The following FAM241A variants were observed in gnomAD, a reference collection of about 807,000 sequenced individuals.
FAM241A encodes family with sequence similarity 241 member A.
A neutral mutation model predicts 12.2 loss-of-function variants in FAM241A; 7 were observed. The ratio of observed to expected loss-of-function variants is 0.58; its 90% CI spans 0.33 to 1.08. The LOEUF is 1.08. FAM241A is among the 50% of genes least tolerant of loss of function. FAM241A has a pLI of 0.04. For missense variants in FAM241A, 161 were observed against 169.7 expected, an observed-to-expected ratio of 0.95 and a Z score of 0.29; for synonymous variants, 74 against 68.2, an observed-to-expected ratio of 1.08 and a Z score of -0.42.
intron 1 of FAM241A, among the ~76,000 whole-genome samples, chr4:112,159,055 T>TGAGAAC (rs1414291647): frequency 1.3e-5 from 2 of 152,204 alleles, no homozygotes; most frequent in Admixed American, 1.3e-4. Flanking sequence ...CACATATGAA[T>TGAGAAC]GAGAACTTGC....
At chr4:112,156,397 C>G (rs980722157) in intron 1 of FAM241A, among the ~76,000 whole-genome samples, 1 of 152,156 alleles carries the variant, frequency 6.6e-6, no homozygotes, top group Non-Finnish European at 1.5e-5. Context: ...TTCTTTTCCT[C>G]ATAGCTCTTC....
At chr4:112,178,257 G>C (rs1324299105) in intron 1 of FAM241A, among the ~76,000 whole-genome samples, 1 of 152,156 alleles carries the variant, frequency 6.6e-6, no homozygotes, top group Non-Finnish European at 1.5e-5. Flanking sequence ...TTGCAGATGT[G>C]ATTAAATTTA....
rs528879198 is a variant in FAM241A at position 112,177,491 on chromosome 4, T to A, written c.154-9202T>A. Among the ~76,000 whole-genome samples the A allele has an allele frequency of 2.2e-4, 34 of 152,226 alleles. 2 individuals carry two copies. The highest frequency in any genetic ancestry group is 8.2e-4 in the African/African-American group (34 of 41,546). ...AGATCTTTCAATTACTAAGTATAGG[T>A]CAGTGTCCAGACATTTAATTCCTCT... On this transcript the variant is annotated intron_variant, in intron 1 of 1. Transcript: ENST00000309733.
At chr4:112,183,133 T>A (rs1723974379) in intron 1 of FAM241A, among the ~76,000 whole-genome samples, 1 of 152,180 alleles carries the variant, frequency 6.6e-6, no homozygotes, top group African/African-American at 2.4e-5. Context: ...TAGTGATTTT[T>A]TTTTAAACTT....
chr4:112,149,439 C>T (rs1371745387), intron 1 of FAM241A, among the ~76,000 whole-genome samples: 1 of 152,196 alleles, frequency 6.6e-6, no homozygotes, highest in African/African-American at 2.4e-5. Context: ...ATTCATTCCC[C>T]TAACACCGCA....
chr4:112,171,739 G>C (rs905406304), intron 1 of FAM241A, among the ~76,000 whole-genome samples: 5 of 151,998 alleles, frequency 3.3e-5, no homozygotes, highest in African/African-American at 7.2e-5. Context: ...GGCGCCTGTA[G>C]TCCCAGCTAC....
At chr4:112,153,267 G>A (rs182567809) in intron 1 of FAM241A, among the ~76,000 whole-genome samples, 55 of 152,238 alleles carry the variant, frequency 3.6e-4, no homozygotes, top group Non-Finnish European at 6.3e-4. Context: ...CACCTCCTCT[G>A]TACAAACTAT....
At chr4:112,145,830 G>A in intron 1 of FAM241A, 97 bp downstream of exon 1, 2 of 752,712 alleles carry the variant, frequency 2.7e-6, no homozygotes, top group Non-Finnish European at 3.3e-6. Flanking sequence ...GGGCCGCGCC[G>A]CAGCTCTGCC....
Position 112,194,049 on chromosome 4 carries a change from G to A in FAM241A, c.*7111G>A, listed in dbSNP as rs1215761616. Reference sequence around the variant, plus strand: ...TGAGCAGTGGTTTGTAGTTCTCCTTGAAGAGGTCCTTCACGTCCCTTGTAA... The same window carrying A: ...TGAGCAGTGGTTTGTAGTTCTCCTTAAAGAGGTCCTTCACGTCCCTTGTAA... On this transcript the variant is annotated 3_prime_UTR_variant, in exon 2 of 2. Transcript: ENST00000309733. 2.1e-5 allele frequency: 3 copies of A among 144,320 alleles called. No homozygotes were observed. The highest frequency in any genetic ancestry group is 3.0e-5 in the Non-Finnish European group (2 of 66,702). The allele number at this position is 144,320 out of a possible 1,614,324, so 8.9% of individuals were successfully genotyped here. A position where few individuals can be genotyped will look rare whatever the true frequency, so the allele number is the denominator to read the frequency against.
chr4:112,186,031 T>C (rs1724032850), intron 1 of FAM241A, among the ~76,000 whole-genome samples: 1 of 152,186 alleles, frequency 6.6e-6, no homozygotes, highest in Non-Finnish European at 1.5e-5. Context: ...CTTACTGTCA[T>C]GGCCTTAATT....
chr4:112,179,594 A>T (rs1219290860), intron 1 of FAM241A, among the ~76,000 whole-genome samples: 2 of 152,026 alleles, frequency 1.3e-5, no homozygotes, highest in African/African-American at 4.8e-5. Context: ...GCATGAGGAG[A>T]TATATCTAAT....
intron 1 of FAM241A, among the ~76,000 whole-genome samples, chr4:112,159,728 C>A (rs1723422046): frequency 6.6e-6 from 1 of 152,130 alleles, no homozygotes; most frequent in South Asian, 2.1e-4. Flanking sequence ...TTCAACATCC[C>A]TTCATGATTA....
At chr4:112,182,315 C>T (rs1257664282) in intron 1 of FAM241A, among the ~76,000 whole-genome samples, 2 of 152,108 alleles carry the variant, frequency 1.3e-5, no homozygotes, top group Non-Finnish European at 2.9e-5. Context: ...CTTTTGATAG[C>T]TGCATGAGAC....
chr4:112,186,608 G>T, intron 1 of FAM241A, 85 bp from the exon 2 acceptor site: 1 of 1,252,114 alleles, frequency 8.0e-7, no homozygotes, highest in Non-Finnish European at 1.1e-6. Flanking sequence ...CCAGCACTTT[G>T]GAAGATGAAG....
Position 112,193,234 on chromosome 4 carries a change from A to G in FAM241A, c.*6296A>G, listed in dbSNP as rs1263494449. The G allele has an allele frequency of 3.3e-5, 5 of 151,726 alleles. No individual in the cohort carries two copies. The highest frequency in any genetic ancestry group is 7.4e-5 in the Non-Finnish European group (5 of 67,972). 9.4% of individuals were successfully genotyped at this position (151,726 alleles called of 1,614,324 possible). A position where few individuals can be genotyped will look rare whatever the true frequency, so the allele number is the denominator to read the frequency against. The stretch of plus-strand genomic sequence containing the variant: ...GTAAATTTGTTTGAGTTCATTGTAG[A>G]TTCTGGATATTAGCCCTTTGTCAGA... On this transcript the variant is annotated 3_prime_UTR_variant, in exon 2 of 2. Coordinates refer to ENST00000309733, the MANE Select transcript of FAM241A (RefSeq NM_152400.3).
intron 1 of FAM241A, among the ~76,000 whole-genome samples, chr4:112,179,914 G>GACATACATATATATATATATAT (rs1479640205): frequency 3.4e-5 from 4 of 117,770 alleles, no homozygotes; most frequent in Admixed American, 2.7e-4. Context: ...AAGAAAATGT[G>GACATACATATATATATATATAT]ATATATATAT....
At chr4:112,179,943 A>ATATATATATATATATTTATATG (rs1553921438) in intron 1 of FAM241A, among the ~76,000 whole-genome samples, 4 of 129,514 alleles carry the variant, frequency 3.1e-5, no homozygotes, top group Non-Finnish European at 4.8e-5. Flanking sequence ...ATATATGTAT[A>ATATATATATATATATTTATATG]TGTGTGTGTG....
chr4:112,182,977 G>C (rs1476786089), intron 1 of FAM241A, among the ~76,000 whole-genome samples: 1 of 119,526 alleles, frequency 8.4e-6, no homozygotes, highest in African/African-American at 3.2e-5. Flanking sequence ...TTTTTCTTTT[G>C]CCTGCCTGGA....
chr4:112,146,162 C>G (rs1180251004), intron 1 of FAM241A, among the ~76,000 whole-genome samples: 3 of 152,170 alleles, frequency 2.0e-5, no homozygotes, highest in Non-Finnish European at 2.9e-5. Flanking sequence ...CTCCATCTTG[C>G]GTTTCCGAGC....
Sources: gnomAD v4.1 joint callset for allele counts (sites outside exome capture counted in the v4.1 genomes callset) on GRCh38, gnomAD v4.1.1 for gene constraint, MANE v1.5 for transcripts, NCBI Gene and HGNC (gene_info 2026-07-23, HGNC 2026-07-21) for gene names.